The following ACOT7 variants were observed in gnomAD, a reference collection of about 807,000 sequenced individuals.
The protein encoded by ACOT7 is cytosolic acyl coenzyme A thioester hydrolase.
A neutral mutation model predicts 40.2 loss-of-function variants in ACOT7; 12 were observed. That is an observed-to-expected ratio of 0.30 (90% CI 0.19 to 0.48). ACOT7 has a LOEUF of 0.48. ACOT7 is among the 20% of genes least tolerant of loss of function. ACOT7 has a pLI of 0.99. For synonymous variants in ACOT7, 228 were observed against 219.5 expected (o/e 1.04, Z -0.34); for missense variants, 395 against 530.8 (o/e 0.74, Z 2.51).
intron 7 of ACOT7, among the ~76,000 whole-genome samples, chr1:6,293,534 A>G (rs182251807): frequency 5.3e-4 from 80 of 152,312 alleles, no homozygotes; most frequent in Non-Finnish European, 9.7e-4. Flanking sequence ...TCTCTACAAA[A>G]AATACAAAAT....
In ACOT7 at chr1:6,304,810, G is replaced by C. The variant is rs1378517700; in HGVS notation, c.713-9830C>G. 2.9e-5 allele frequency among the ~76,000 whole-genome samples: 4 copies of C among 137,858 alleles called. No homozygotes were observed. In the South Asian group the frequency reaches 9.3e-4, roughly 32 times the overall value. 90.4% of individuals were successfully genotyped at this position (137,858 alleles called of 152,430 possible). A position where few individuals can be genotyped will look rare whatever the true frequency, so the allele number is the denominator to read the frequency against. On this transcript the variant is annotated intron_variant, in intron 6 of 8. Transcript: ENST00000361521. ...TGTCTACCTCTTTCTACACAGACACGGCAACCATCCGATTTCTCAATCTTT... is the reference window on the plus strand; with the variant it reads ...TGTCTACCTCTTTCTACACAGACACCGCAACCATCCGATTTCTCAATCTTT...
Position 6,289,829 on chromosome 1 carries a change from C to T in ACOT7, c.829+5035G>A, listed in dbSNP as rs1427531604. On this transcript the variant is annotated intron_variant, in intron 7 of 8. Transcript: ENST00000361521. The surrounding 1 kb of genome is among the most constrained non-coding windows in gnomAD (Gnocchi z 4.6). The stretch of plus-strand genomic sequence containing the variant: ...ACAGGCTTGAGCCATCGTGCCCAGG[C>T]CCAGCTATTTTTCTAATAAAATATG... 1.3e-5 allele frequency among the ~76,000 whole-genome samples: 2 copies of T among 152,178 alleles called. No individual in the cohort carries two copies. Among genetic ancestry groups the T allele is most frequent in the South Asian group, 2.1e-4 (1 of 4,830 alleles).
intron 7 of ACOT7, among the ~76,000 whole-genome samples, chr1:6,285,869 G>A (rs147423874): frequency 4.6e-5 from 7 of 152,348 alleles, no homozygotes; most frequent in Non-Finnish European, 7.4e-5. Flanking sequence ...GCAGGAAGGG[G>A]GGTCCGCACC....
intron 7 of ACOT7, among the ~76,000 whole-genome samples, chr1:6,286,325 G>A (rs1426580800): frequency 1.3e-5 from 2 of 152,196 alleles, no homozygotes; most frequent in Non-Finnish European, 2.9e-5. Flanking sequence ...TTCTGGGGAA[G>A]GCGGCCAGAA....
rs773070166 is a variant in ACOT7 at position 6,349,750 on chromosome 1, C to A, written c.260G>T (p.Gly87Val). The stretch of plus-strand genomic sequence containing the variant: ...GAGGTATGGGGCCCAGACCCTTACC[C>A]CGTTCTGGCTGTTGCAATGCCGGGT... ...ISTRHCNSQN[G>V]ERCVAALARV... Residue 87 changes from glycine to valine, a missense_variant and splice_region_variant, in exon 2 of 9, where the codon GGG becomes GTG. Physicochemically the swap from Gly to Val is moderately radical, Grantham distance 109. Transcript: ENST00000361521. The A allele has an allele frequency of 1.2e-6, 2 of 1,612,740 alleles. No homozygotes were observed. The highest frequency in any genetic ancestry group is 3.3e-5 in the Admixed American group (2 of 59,830).
At position 6,306,488 on chromosome 1, in the gene ACOT7, C is replaced by T; in HGVS notation, c.713-11508G>A. On this transcript the variant is annotated intron_variant, in intron 6 of 8. Coordinates refer to ENST00000361521, the MANE Select transcript of ACOT7 (RefSeq NM_007274.4). The surrounding 1 kb of genome is among the most constrained non-coding windows in gnomAD (Gnocchi z 4.3). ...CTCGGGGTTCAAGGTTCAAGTTCAC[C>T]AGTCCCCACGTCCCGCTCCCCCGCT... 3 of 985,318 alleles carry T rather than the reference C, an allele frequency of 3.0e-6. No individual in the cohort carries two copies. Among genetic ancestry groups the T allele is most frequent in the Non-Finnish European group, 3.6e-6 (3 of 829,910 alleles). The allele number at this position is 985,318 out of a possible 1,614,324, so 61.0% of individuals were successfully genotyped here.
intron 1 of ACOT7, chr1:6,385,867 C>A: frequency 7.2e-7 from 1 of 1,387,584 alleles, no homozygotes; most frequent in East Asian, 2.6e-5. Context: ...GGAACTGGAT[C>A]ACAGGATGTT....
At chr1:6,324,990 C>T (rs1399257543) in intron 5 of ACOT7, among the ~76,000 whole-genome samples, 1 of 152,238 alleles carries the variant, frequency 6.6e-6, no homozygotes, top group African/African-American at 2.4e-5. Context: ...TCTGACCTGA[C>T]TGCTGGGCTG....
At chr1:6,354,982 C>T (rs1557665112) in intron 1 of ACOT7, among the ~76,000 whole-genome samples, 1 of 151,998 alleles carries the variant, frequency 6.6e-6, no homozygotes, top group Non-Finnish European at 1.5e-5. Flanking sequence ...TTCCCATCTA[C>T]AGAATAAAGA....
At chr1:6,266,215 C>T (rs1215149803) in intron 8 of ACOT7, among the ~76,000 whole-genome samples, 1 of 152,206 alleles carries the variant, frequency 6.6e-6, no homozygotes, top group Non-Finnish European at 1.5e-5. Flanking sequence ...TGCAATTTGA[C>T]CTGAAACAGT....
At position 6,327,509 on chromosome 1, in the gene ACOT7, C is replaced by A. The variant is rs1393773663; in HGVS notation, c.511-96G>T. 4.9e-6 allele frequency: 5 copies of A among 1,023,666 alleles called. No homozygotes were observed. In the East Asian group the frequency reaches 1.0e-4, roughly 21 times the overall value. 63.4% of individuals were successfully genotyped at this position (1,023,666 alleles called of 1,614,324 possible). A position where few individuals can be genotyped will look rare whatever the true frequency, so the allele number is the denominator to read the frequency against. ...CCCAGGCCCTTATAGCCTTGTGTAA[C>A]TGGGACTATTTTTTCTTCTGTTCAT... On this transcript the variant is annotated intron_variant, in intron 4 of 8. Coordinates refer to ENST00000361521, the MANE Select transcript of ACOT7 (RefSeq NM_007274.4).
At chr1:6,390,163 C>T (rs140797707) in intron 1 of ACOT7, among the ~76,000 whole-genome samples, 126 of 152,322 alleles carry the variant, frequency 8.3e-4, no homozygotes, top group African/African-American at 2.8e-3. Flanking sequence ...CCACCACTCC[C>T]GCCTACTCCT....
In ACOT7 at chr1:6,294,943, G is replaced by T. The variant is rs772269320; in HGVS notation, c.750C>A (p.Ile250=). 6.2e-7 allele frequency: 1 copy of T among 1,614,076 alleles called. No homozygotes were observed. The highest frequency in any genetic ancestry group is 1.1e-5 in the South Asian group (1 of 91,084). The part of the protein sequence containing the change: ...TMKLMDEVAG[I]VAARHCKTNI... ...TGGTCTTGCAGTGGCGTGCAGCCAC[G>T]ATCCCGGCGACCTCATCCATGAGCT... is the stretch of plus-strand genomic sequence containing the variant. The change falls in exon 7 of 9, where the codon ATC becomes ATA. Residue 250 remains isoleucine (I), a synonymous_variant. Coordinates refer to ENST00000361521, the MANE Select transcript of ACOT7 (RefSeq NM_007274.4). This position sits in a 1 kb window ranked among gnomAD's most constrained non-coding sequence, Gnocchi z 4.6.
chr1:6,338,831 A>G lies in ACOT7; in HGVS notation c.418+602T>C, dbSNP rs983892919. 1.3e-5 allele frequency among the ~76,000 whole-genome samples: 2 copies of G among 152,128 alleles called. No homozygotes were observed. The highest frequency in any genetic ancestry group is 2.9e-5 in the Non-Finnish European group (2 of 68,024). On this transcript the variant is annotated intron_variant, in intron 3 of 8. Transcript: ENST00000361521. The surrounding 1 kb of genome is among the most constrained non-coding windows in gnomAD (Gnocchi z 4.4). ...CTCACCTCCCGTCCCCAGCCTGGGT[A>G]TAAAAAGAAGCGTGAGCTGGTGAAC...
Position 6,278,997 on chromosome 1 carries a change from A to G in ACOT7, c.1014+2105T>C, listed in dbSNP as rs1639278555. On this transcript the variant is annotated intron_variant, in intron 8 of 8. Transcript: ENST00000361521. The surrounding 1 kb of genome is among the most constrained non-coding windows in gnomAD (Gnocchi z 4.1). ...AGAGCTTCGGAAATGTGCCTGGGTCAGGTGGGGGATTCAGCATCAGGACAG... is the reference window on the plus strand; with the variant it reads ...AGAGCTTCGGAAATGTGCCTGGGTCGGGTGGGGGATTCAGCATCAGGACAG... Among the ~76,000 whole-genome samples the G allele has an allele frequency of 6.6e-6, 1 of 152,230 alleles. No individual in the cohort carries two copies. The highest frequency in any genetic ancestry group is 1.5e-5 in the Non-Finnish European group (1 of 68,026).
chr1:6,277,988 A>G (rs904114565), intron 8 of ACOT7, among the ~76,000 whole-genome samples: 1 of 152,018 alleles, frequency 6.6e-6, no homozygotes, highest in African/African-American at 2.4e-5. Context: ...CTAAGGCCAC[A>G]CAGCTAGTAA....
At chr1:6,281,385 G>A in intron 7 of ACOT7, 99 bp from the exon 8 acceptor site, 1 of 1,019,090 alleles carries the variant, frequency 9.8e-7, no homozygotes, top group Non-Finnish European at 1.5e-6. Context: ...ACTTGGTTAG[G>A]GGAAGCAGTG....
rs758772194 is a variant in ACOT7 at position 6,355,809 on chromosome 1, G to A, written c.144-5943C>T. Reference sequence around the variant, plus strand: ...GCCCTGGGGTCCAGCCCACATCCTCGCAGGACAGCCCGAGCCTGTTCCGCA... The same window carrying A: ...GCCCTGGGGTCCAGCCCACATCCTCACAGGACAGCCCGAGCCTGTTCCGCA... On this transcript the variant is annotated intron_variant, in intron 1 of 8. Transcript: ENST00000361521. This position sits in a 1 kb window ranked among gnomAD's most constrained non-coding sequence, Gnocchi z 5.0. 6.6e-5 allele frequency among the ~76,000 whole-genome samples: 10 copies of A among 152,212 alleles called. No individual in the cohort carries two copies. Among genetic ancestry groups the A allele is most frequent in the South Asian group, 6.2e-4 (3 of 4,814 alleles).
intron 7 of ACOT7, among the ~76,000 whole-genome samples, chr1:6,281,670 C>T (rs964691726): frequency 1.3e-5 from 2 of 152,198 alleles, no homozygotes; most frequent in African/African-American, 4.8e-5. Context: ...TCTGCCCTTC[C>T]TTAGGTCAGG....
Sources: gnomAD v4.1 joint callset for allele counts (sites outside exome capture counted in the v4.1 genomes callset) on GRCh38, gnomAD v4.1.1 for gene constraint, Gnocchi (gnomAD v3.1) non-coding constraint, MANE v1.5 for transcripts, NCBI Gene and HGNC (gene_info 2026-07-23, HGNC 2026-07-21) for gene names.